Variants in STXBP5L observed in about 807,000 individuals in gnomAD.
The protein encoded by STXBP5L is syntaxin-binding protein 5-like.
Under a neutral mutation model 144.5 loss-of-function variants are expected in STXBP5L, and 65 were observed. The ratio of observed to expected loss-of-function variants is 0.45; its 90% CI spans 0.37 to 0.55. The LOEUF (loss-of-function observed/expected upper bound fraction) is 0.55. STXBP5L is among the 20% of genes least tolerant of loss of function. The pLI is 0.00. For missense variants in STXBP5L, 1,298 were observed against 1,405.5 expected, an observed-to-expected ratio of 0.92 and a Z score of 1.22; for synonymous variants, 505 against 469.6, an observed-to-expected ratio of 1.08 and a Z score of -0.97.
intron 20 of STXBP5L, among the ~76,000 whole-genome samples, chr3:121,339,231 G>C (rs970603229): frequency 7.2e-5 from 11 of 152,100 alleles, no homozygotes; most frequent in African/African-American, 2.4e-4. Flanking sequence ...ATGATTAAGT[G>C]GGTATTATCC....
rs35062789 is a variant in STXBP5L, at chr3:121,299,975, C to CAA, written c.2111-18481_2111-18480dup. Among the ~76,000 whole-genome samples, 454 of 115,686 alleles carry CAA rather than the reference C, an allele frequency of 3.9e-3. 4 individuals carry two copies. Among genetic ancestry groups the CAA allele is most frequent in the African/African-American group, 0.014 (430 of 30,702 alleles). The allele number at this position is 115,686 out of a possible 152,430, so 75.9% of individuals were successfully genotyped here. ...AGCCTGGGCAACAGAGACCTGATCT[C>CAA]AAAAAAAAAAAAAAAAAAAATACAA... On this transcript the variant is annotated intron_variant, in intron 19 of 26. Coordinates refer to ENST00000471454, the MANE Select transcript of STXBP5L (RefSeq NM_001308330.2).
chr3:121,168,629 C>G (rs1318388773), intron 9 of STXBP5L, among the ~76,000 whole-genome samples: 1 of 151,760 alleles, frequency 6.6e-6, no homozygotes, highest in Non-Finnish European at 1.5e-5. Context: ...AGCGTGAAGA[C>G]AAGATTAGAG....
intron 1 of STXBP5L, among the ~76,000 whole-genome samples, chr3:120,908,742 G>A (rs1464393231): frequency 6.6e-6 from 1 of 151,674 alleles, no homozygotes; most frequent in Non-Finnish European, 1.5e-5. Flanking sequence ...GTGCAGCGGG[G>A]AGAGCGGACG....
At chr3:121,370,129 G>A (rs2045987021) in intron 20 of STXBP5L, among the ~76,000 whole-genome samples, 1 of 152,150 alleles carries the variant, frequency 6.6e-6, no homozygotes, top group African/African-American at 2.4e-5. Context: ...ACTTTGGGAG[G>A]TCGAGGCAGG....
chr3:121,034,290 C>T (rs965569775), intron 3 of STXBP5L, among the ~76,000 whole-genome samples: 11 of 152,072 alleles, frequency 7.2e-5, no homozygotes, highest in Non-Finnish European at 8.8e-5. Context: ...CATCCTCCTC[C>T]TTCCCACCTT....
chr3:121,280,748 A>G (rs1454013332), intron 19 of STXBP5L, among the ~76,000 whole-genome samples: 1 of 151,844 alleles, frequency 6.6e-6, no homozygotes, highest in Non-Finnish European at 1.5e-5. Context: ...ATGCTTCTAT[A>G]ATATTAAGTG....
At chr3:121,061,127 C>T (rs2041254749) in intron 5 of STXBP5L, among the ~76,000 whole-genome samples, 4 of 152,164 alleles carry the variant, frequency 2.6e-5, no homozygotes. Context: ...AAATTTCCAT[C>T]TAAACACTGC....
At chr3:121,022,526 C>T (rs543083709) in intron 3 of STXBP5L, among the ~76,000 whole-genome samples, 1 of 152,112 alleles carries the variant, frequency 6.6e-6, no homozygotes, top group Admixed American at 6.6e-5. Flanking sequence ...TACTAGCTAA[C>T]CGAATCCAAG....
At chr3:121,022,448 C>A (rs922020243) in intron 3 of STXBP5L, among the ~76,000 whole-genome samples, 2 of 151,898 alleles carry the variant, frequency 1.3e-5, no homozygotes, top group Admixed American at 6.6e-5. Flanking sequence ...CAAGAAAGGA[C>A]CTTAAATAAA....
chr3:121,102,396 GAAAT>G (rs796796499), intron 5 of STXBP5L, among the ~76,000 whole-genome samples: 10 of 152,082 alleles, frequency 6.6e-5, no homozygotes, highest in African/African-American at 2.2e-4. Context: ...AGAGAACCCA[GAAAT>G]AAAGCCACAC....
intron 6 of STXBP5L, among the ~76,000 whole-genome samples, chr3:121,118,514 A>G (rs1197040333): frequency 6.6e-6 from 1 of 151,642 alleles, no homozygotes; most frequent in African/African-American, 2.4e-5. Context: ...CTGGAAGGTA[A>G]TCAGGTTTTA....
intron 20 of STXBP5L, among the ~76,000 whole-genome samples, chr3:121,344,151 G>C (rs547925808): frequency 2.6e-5 from 4 of 152,084 alleles, no homozygotes; most frequent in Admixed American, 6.5e-5. Flanking sequence ...AATGGGGAAA[G>C]GATTCCGTAT....
intron 5 of STXBP5L, among the ~76,000 whole-genome samples, chr3:121,113,939 T>C (rs1028680733): frequency 1.3e-5 from 2 of 152,182 alleles, no homozygotes; most frequent in Non-Finnish European, 2.9e-5. Flanking sequence ...CTCAAAGTGC[T>C]TGGATTACAG....
chr3:121,094,350 C>G (rs1274378556), intron 5 of STXBP5L, among the ~76,000 whole-genome samples: 6 of 152,098 alleles, frequency 3.9e-5, no homozygotes, highest in African/African-American at 1.4e-4. Context: ...TCTCGTTGAT[C>G]TGTCTAATGT....
chr3:121,324,683 T>C, intron 20 of STXBP5L: 2 of 570,176 alleles, frequency 3.5e-6, no homozygotes, highest in South Asian at 4.7e-5. Flanking sequence ...TTCTCATTTG[T>C]TGTGGTGGAA....
chr3:120,954,581 C>G (rs1230675002), intron 2 of STXBP5L, among the ~76,000 whole-genome samples: 1 of 151,816 alleles, frequency 6.6e-6, no homozygotes, highest in Middle Eastern at 3.2e-3. Context: ...GGGCTGTTTC[C>G]AGATTTTTAC....
At chr3:121,082,148 A>G (rs1263519649) in intron 5 of STXBP5L, among the ~76,000 whole-genome samples, 1 of 152,192 alleles carries the variant, frequency 6.6e-6, no homozygotes, top group Non-Finnish European at 1.5e-5. Flanking sequence ...TACTTTTCAA[A>G]AAAAAATCTT....
intron 3 of STXBP5L, among the ~76,000 whole-genome samples, chr3:120,982,284 T>G (rs1456533168): frequency 6.6e-6 from 1 of 152,154 alleles, no homozygotes. Flanking sequence ...AATTCCCTGC[T>G]GAGCTTCCAT....
intron 10 of STXBP5L, among the ~76,000 whole-genome samples, chr3:121,211,132 G>A (rs1368946118): frequency 6.6e-6 from 1 of 152,136 alleles, no homozygotes; most frequent in South Asian, 2.1e-4. Context: ...AGTTCTCCTT[G>A]AAGAGGTCCT....
Sources: gnomAD v4.1 joint callset for allele counts (sites outside exome capture counted in the v4.1 genomes callset) on GRCh38, gnomAD v4.1.1 for gene constraint, MANE v1.5 for transcripts, NCBI Gene and HGNC (gene_info 2026-07-23, HGNC 2026-07-21) for gene names.